The following CCDC192 variants were observed in gnomAD, a reference collection of about 807,000 sequenced individuals.
CCDC192 encodes the protein coiled-coil domain-containing protein 192.
chr5:127,806,156 C>T (rs1757769006), intron 5 of CCDC192, among the ~76,000 whole-genome samples: 1 of 152,168 alleles, frequency 6.6e-6, no homozygotes, highest in Non-Finnish European at 1.5e-5. Context: ...CTTTTCTTTT[C>T]CCCACCAAAT....
intron 2 of CCDC192, among the ~76,000 whole-genome samples, chr5:127,737,721 A>T (rs1753107919): frequency 6.6e-6 from 1 of 151,362 alleles, no homozygotes; most frequent in Non-Finnish European, 1.5e-5. Context: ...TGTTGGTTTA[A>T]AGTCTGTTTT....
At chr5:127,820,105 G>C (rs1423094691) in intron 5 of CCDC192, among the ~76,000 whole-genome samples, 1 of 152,162 alleles carries the variant, frequency 6.6e-6, no homozygotes. Flanking sequence ...TGAATTATGT[G>C]TGTGAGACTG....
intron 6 of CCDC192, among the ~76,000 whole-genome samples, chr5:127,928,295 C>G (rs1753921124): frequency 6.6e-6 from 1 of 152,176 alleles, no homozygotes; most frequent in Admixed American, 6.5e-5. Flanking sequence ...AAGGTGTCAA[C>G]AGGACTGTGT....
intron 2 of CCDC192, among the ~76,000 whole-genome samples, chr5:127,709,249 A>AG (rs1362199596): frequency 4.5e-5 from 5 of 112,308 alleles, no homozygotes; most frequent in Non-Finnish European, 7.9e-5. Context: ...GAGAGAGAGA[A>AG]ATGCTACACA....
intron 6 of CCDC192, among the ~76,000 whole-genome samples, chr5:127,934,953 T>A (rs1754147760): frequency 6.6e-6 from 1 of 152,226 alleles, no homozygotes; most frequent in Admixed American, 6.5e-5. Flanking sequence ...GACATTGTCT[T>A]TTAATCCAAA....
intron 6 of CCDC192, among the ~76,000 whole-genome samples, chr5:127,902,278 A>AAATAAT (rs1004780816): frequency 6.6e-6 from 1 of 151,950 alleles, no homozygotes; most frequent in Non-Finnish European, 1.5e-5. Context: ...CTCCATCTCA[A>AAATAAT]AATAATAATA....
At chr5:127,772,644 C>A (rs1182412271) in intron 3 of CCDC192, among the ~76,000 whole-genome samples, 1 of 152,052 alleles carries the variant, frequency 6.6e-6, no homozygotes, top group East Asian at 1.9e-4. Flanking sequence ...TTTTAAAAAT[C>A]TGGTAAAAAT....
intron 5 of CCDC192, among the ~76,000 whole-genome samples, chr5:127,802,245 A>T (rs1430212241): frequency 3.3e-5 from 5 of 152,292 alleles, no homozygotes; most frequent in African/African-American, 1.2e-4. Flanking sequence ...GGCTGGGTGC[A>T]TTGTAGCTAC....
intron 2 of CCDC192, among the ~76,000 whole-genome samples, chr5:127,752,225 T>G (rs924169947): frequency 2.0e-5 from 3 of 152,236 alleles, no homozygotes; most frequent in African/African-American, 7.2e-5. Context: ...TGCTCTGTTT[T>G]TTCCCCATCT....
chr5:127,923,711 T>TA (rs898950617), intron 6 of CCDC192, among the ~76,000 whole-genome samples: 2 of 152,156 alleles, frequency 1.3e-5, no homozygotes, highest in Admixed American at 6.5e-5. Context: ...GGCATTGATT[T>TA]TTTTTTTTCT....
intron 6 of CCDC192, among the ~76,000 whole-genome samples, chr5:127,886,635 A>G (rs1489445278): frequency 6.6e-6 from 1 of 152,234 alleles, no homozygotes; most frequent in Non-Finnish European, 1.5e-5. Flanking sequence ...AATACAGTAT[A>G]TGATACATAT....
At chr5:127,801,997 G>A (rs897139475) in intron 5 of CCDC192, among the ~76,000 whole-genome samples, 4 of 152,160 alleles carry the variant, frequency 2.6e-5, no homozygotes, top group African/African-American at 4.8e-5. Context: ...GTTTGTGACT[G>A]GCTGAAACCC....
At chr5:127,918,736 A>G (rs1027448109) in intron 6 of CCDC192, among the ~76,000 whole-genome samples, 2 of 152,128 alleles carry the variant, frequency 1.3e-5, no homozygotes, top group Admixed American at 1.3e-4. Context: ...GTTTGGTTGA[A>G]TGTATTATTT....
At chr5:127,814,608 T>A (rs926493247) in intron 5 of CCDC192, among the ~76,000 whole-genome samples, 5 of 152,232 alleles carry the variant, frequency 3.3e-5, no homozygotes, top group African/African-American at 1.2e-4. Context: ...AAAGCTTAGT[T>A]GGGAAAAGAC....
intron 2 of CCDC192, among the ~76,000 whole-genome samples, chr5:127,709,149 AAG>A (rs36016291): frequency 0.3 from 31,769 of 104,830 alleles, 6,269 homozygotes; most frequent in Middle Eastern, 0.39. Flanking sequence ...GGAGAGAAAG[AAG>A]AGAGAGAGAG....
intron 6 of CCDC192, among the ~76,000 whole-genome samples, chr5:127,937,683 C>T (rs1227688812): frequency 6.6e-6 from 1 of 152,206 alleles, no homozygotes; most frequent in African/African-American, 2.4e-5. Context: ...CATTTTCTTT[C>T]CACCTTCTCC....
At chr5:127,711,595 A>T (rs1447427206) in intron 2 of CCDC192, among the ~76,000 whole-genome samples, 1 of 152,166 alleles carries the variant, frequency 6.6e-6, no homozygotes. Context: ...TGGTATCTAT[A>T]AATTTTAACA....
At chr5:127,775,199 C>T (rs746290417) in intron 3 of CCDC192, among the ~76,000 whole-genome samples, 5 of 152,120 alleles carry the variant, frequency 3.3e-5, no homozygotes, top group African/African-American at 4.8e-5. Context: ...GGGAGCATTC[C>T]TTTCATATGG....
chr5:127,845,035 T>A (rs1248198635), intron 5 of CCDC192, among the ~76,000 whole-genome samples: 1 of 152,222 alleles, frequency 6.6e-6, no homozygotes, highest in Non-Finnish European at 1.5e-5. Context: ...AGAAGGGTCA[T>A]GTGTGGAAGA....
Sources: allele counts gnomAD v4.1 joint callset (sites outside exome capture counted in the v4.1 genomes callset), GRCh38; gene constraint gnomAD v4.1.1; transcripts MANE v1.5; gene names NCBI Gene and HGNC (gene_info 2026-07-23, HGNC 2026-07-21).